The following SEC14L2 variants were observed in gnomAD, a reference collection of about 807,000 sequenced individuals.
SEC14L2 encodes SEC14 like lipid binding 2, also known as SEC14-like protein 2.
Under a neutral mutation model 56.9 loss-of-function variants are expected in SEC14L2, and 50 were observed. The observed-to-expected ratio is 0.88, with a 90% CI of 0.70 to 1.11. The LOEUF (loss-of-function observed/expected upper bound fraction) is 1.11, where lower values mean the gene tolerates loss of function less well. Among genes scored for constraint, SEC14L2 ranks in the 50% most tolerant of loss-of-function variants. The pLI is 0.00. For synonymous variants in SEC14L2, 179 were observed against 188.5 expected (o/e 0.95, Z 0.41); for missense variants, 414 against 500.7 (o/e 0.83, Z 1.65).
chr22:30,416,547 T>G, intron 11 of SEC14L2, 144 bp downstream of exon 11: 1 of 1,531,122 alleles, frequency 6.5e-7, no homozygotes, highest in Non-Finnish European at 8.8e-7. Flanking sequence ...CTTGTATAGA[T>G]GAAGAAATCT....
In SEC14L2 at chr22:30,415,740, T is replaced by G. The variant is rs1436605837; in HGVS notation, c.665-19T>G. 5.6e-6 allele frequency: 9 copies of G among 1,606,902 alleles called. No individual in the cohort carries two copies. Among genetic ancestry groups the G allele is most frequent in the Non-Finnish European group, 7.7e-6 (9 of 1,173,592 alleles). Reference sequence around the variant, plus strand: ...TAGTGTTGAGATACATCTTTATCCTTCCTTCCCTCTCCTGCCAGCAAATTG... The same window carrying G: ...TAGTGTTGAGATACATCTTTATCCTGCCTTCCCTCTCCTGCCAGCAAATTG... On this transcript the variant is annotated intron_variant, in intron 8 of 11. Coordinates refer to ENST00000615189, the MANE Select transcript of SEC14L2 (RefSeq NM_012429.5).
At chr22:30,406,996 C>A in intron 3 of SEC14L2, 99 bp from the exon 4 acceptor site, 1 of 1,182,012 alleles carries the variant, frequency 8.5e-7, no homozygotes, top group Non-Finnish European at 1.2e-6. Context: ...AAGTGATCCA[C>A]CCGCCTTGGC....
At chr22:30,397,706 A>C in intron 1 of SEC14L2, 1 of 368,642 alleles carries the variant, frequency 2.7e-6, no homozygotes, top group Non-Finnish European at 5.6e-6. Flanking sequence ...AGGAGGTTGG[A>C]CCAGATGATG....
In SEC14L2 at chr22:30,403,374, G is replaced by A. The variant is rs370302664; in HGVS notation, c.131-2968G>A. On this transcript the variant is annotated intron_variant, in intron 2 of 11. Coordinates refer to ENST00000615189, the MANE Select transcript of SEC14L2 (RefSeq NM_012429.5). ...AGGATAAAACAAGGAAGTGGTGGAA[G>A]CCCTGGGAGGGAGGCAGAGCGGGTC... Among the ~76,000 whole-genome samples the A allele has an allele frequency of 3.3e-5, 5 of 152,352 alleles. No individual in the cohort carries two copies. In the East Asian group the frequency reaches 9.7e-4, roughly 29 times the overall value.
intron 2 of SEC14L2, among the ~76,000 whole-genome samples, chr22:30,404,189 A>G (rs2146014621): frequency 6.6e-6 from 1 of 152,256 alleles, no homozygotes; most frequent in Non-Finnish European, 1.5e-5. Flanking sequence ...AGAGATGTAC[A>G]GTATCTTGTC....
chr22:30,399,555 G>A (rs533652226), intron 1 of SEC14L2, 88 bp from the exon 2 acceptor site: 45 of 652,102 alleles, frequency 6.9e-5, no homozygotes, highest in South Asian at 3.7e-4. Flanking sequence ...AGAAAGAGGC[G>A]TCCAGCAAAG....
chr22:30,399,929 A>G (rs1569204428), intron 2 of SEC14L2, among the ~76,000 whole-genome samples: 1 of 152,254 alleles, frequency 6.6e-6, no homozygotes, highest in African/African-American at 2.4e-5. Flanking sequence ...TCCAAGCCAC[A>G]CAGTGAGCGA....
chr22:30,410,265 AAAAAT>A (rs1384480604), intron 7 of SEC14L2, among the ~76,000 whole-genome samples: 7 of 152,250 alleles, frequency 4.6e-5, no homozygotes, highest in Non-Finnish European at 8.8e-5. Context: ...TCTGTCTCAA[AAAAAT>A]AAAATAAAAA....
chr22:30,410,334 A>C (rs1186495782), intron 7 of SEC14L2, among the ~76,000 whole-genome samples: 3 of 152,238 alleles, frequency 2.0e-5, no homozygotes, highest in Non-Finnish European at 4.4e-5. Flanking sequence ...AGCTTTCAGT[A>C]TTTATAATCT....
intron 2 of SEC14L2, among the ~76,000 whole-genome samples, chr22:30,405,850 T>TTTTTG (rs1037407464): frequency 7.2e-5 from 11 of 151,982 alleles, no homozygotes; most frequent in South Asian, 2.1e-4. Flanking sequence ...CTAATTAGTT[T>TTTTTG]TTTTGTTTTG....
At chr22:30,417,444 T>C (rs1424435504) in intron 11 of SEC14L2, among the ~76,000 whole-genome samples, 2 of 152,164 alleles carry the variant, frequency 1.3e-5, no homozygotes, top group African/African-American at 4.8e-5. Context: ...TCAGAGCCAA[T>C]GGAAAATCAA....
chr22:30,422,377 G>C lies in SEC14L2; in HGVS notation c.1182G>C (p.Met394Ile). The C allele has an allele frequency of 1.2e-6, 2 of 1,614,202 alleles. No individual in the cohort carries two copies. The highest frequency in any genetic ancestry group is 1.7e-6 in the Non-Finnish European group (2 of 1,180,032). Reference sequence around the variant, plus strand: ...CAGACAAAGCCTCAGAAGAGAAGATGAAACAGCTGGGGGCAGGCACCCCGA... The same window carrying C: ...CAGACAAAGCCTCAGAAGAGAAGATCAAACAGCTGGGGGCAGGCACCCCGA... ...LLPDKASEEK[M>I]KQLGAGTPK Residue 394 changes from methionine (M) to isoleucine (I), a missense_variant, in exon 12 of 12, where the codon ATG becomes ATC. Physicochemically the swap from Met to Ile is conservative, Grantham distance 10 (BLOSUM62 1). Coordinates refer to ENST00000615189, the MANE Select transcript of SEC14L2 (RefSeq NM_012429.5).
In SEC14L2 at chr22:30,407,489, T is replaced by G; in HGVS notation, c.309T>G (p.Ile103Met). The G allele has an allele frequency of 1.2e-6, 2 of 1,614,156 alleles. No individual in the cohort carries two copies. The highest frequency in any genetic ancestry group is 8.5e-7 in the Non-Finnish European group (1 of 1,180,014). Residue 103 changes from isoleucine to methionine, a missense_variant, in exon 5 of 12, where the codon ATT (isoleucine) becomes ATG (methionine). Transcript: ENST00000615189. Reference protein sequence around the residue: ...LDGCPVWYDIIGPLDAKGLLF... With the variant: ...LDGCPVWYDIMGPLDAKGLLF... ...GCTGCCCAGTCTGGTACGACATAATTGGACCTCTGGATGCCAAGGGTCTGC... is the reference window on the plus strand; with the variant it reads ...GCTGCCCAGTCTGGTACGACATAATGGGACCTCTGGATGCCAAGGGTCTGC...
intron 1 of SEC14L2, 21 bp from the exon 2 acceptor site, chr22:30,399,621 AC>A (rs1933867606): frequency 4.4e-6 from 7 of 1,604,370 alleles, no homozygotes; most frequent in Non-Finnish European, 5.1e-6. Context: ...CCTACCACTC[AC>A]CCCGATGCCT....
intron 1 of SEC14L2, chr22:30,397,930 AC>A: frequency 6.4e-6 from 3 of 469,226 alleles, no homozygotes; most frequent in South Asian, 4.7e-5. Flanking sequence ...TGAGGGCGGG[AC>A]CTTCCTCTTC....
chr22:30,415,987 C>T lies in SEC14L2; in HGVS notation c.811C>T (p.Arg271Ter). The T allele has an allele frequency of 1.9e-6, 3 of 1,614,224 alleles. No homozygotes were observed. The highest frequency in any genetic ancestry group is 2.5e-6 in the Non-Finnish European group (3 of 1,180,034). ...GGDIPRKYYV[R>*]DQVKQQYEHS... Reference sequence around the variant, plus strand: ...TGACATCCCCAGGAAGTATTATGTGCGAGACCAGGTGAAACAGCAGTATGA... The same window carrying T: ...TGACATCCCCAGGAAGTATTATGTGTGAGACCAGGTGAAACAGCAGTATGA... The change falls in exon 10 of 12, where the codon CGA (arginine) becomes TGA (stop). Residue 271 changes from arginine (R) to a stop codon, truncating the protein, a stop_gained. Coordinates refer to ENST00000615189, the MANE Select transcript of SEC14L2 (RefSeq NM_012429.5). LOFTEE classifies it high-confidence loss of function.
chr22:30,412,852 A>AC (rs940453086), intron 8 of SEC14L2, among the ~76,000 whole-genome samples: 6 of 150,440 alleles, frequency 4.0e-5, no homozygotes, highest in Non-Finnish European at 8.8e-5. Context: ...AAAAAACAAA[A>AC]AAAAAACAAA....
At chr22:30,398,912 G>A in intron 1 of SEC14L2, 1 of 431,252 alleles carries the variant, frequency 2.3e-6, no homozygotes. Flanking sequence ...GTAGAATGGG[G>A]ACAATACTTC....
At chr22:30,404,633 A>G (rs1934041429) in intron 2 of SEC14L2, among the ~76,000 whole-genome samples, 1 of 152,198 alleles carries the variant, frequency 6.6e-6, no homozygotes. Context: ...TGACTGTAAC[A>G]AGAGGAAATT....
Sources: allele counts gnomAD v4.1 joint callset (sites outside exome capture counted in the v4.1 genomes callset), GRCh38; gene constraint gnomAD v4.1.1; transcripts MANE v1.5; gene names NCBI Gene and HGNC (gene_info 2026-07-23, HGNC 2026-07-21).